The following GABBR1 variants were observed in gnomAD, a reference collection of about 807,000 sequenced individuals.
The protein encoded by GABBR1 is gamma-aminobutyric acid type B receptor subunit 1.
GABBR1 carries 35 observed loss-of-function variants against 117.7 expected under a neutral mutation model. That is an observed-to-expected ratio of 0.30 (90% CI 0.23 to 0.39). The LOEUF (loss-of-function observed/expected upper bound fraction) is 0.39, where lower values mean the gene tolerates loss of function less well. Among genes scored for constraint, GABBR1 ranks in the 10% least tolerant of loss-of-function variants. The pLI is 1.00. For synonymous variants in GABBR1, 442 were observed against 486.6 expected (o/e 0.91, Z 1.21); for missense variants, 709 against 1,241.8 (o/e 0.57, Z 6.45).
rs557619790 is a variant in GABBR1, at chr6:29,627,510, G to A, written c.633C>T (p.Leu211=). Residue 211 remains leucine, a synonymous_variant, in exon 6 of 23, where the codon CTC becomes CTT. Transcript: ENST00000377034. This position sits in a 1 kb window ranked among gnomAD's most constrained non-coding sequence, Gnocchi z 4.4. ...SRRDILPDYE[L]KLIHHDSKCD... is the part of the protein sequence containing the mutation. The stretch of plus-strand genomic sequence containing the variant: ...CCTTGCTGTCGTGGTGGATGAGCTT[G>A]AGCTCATAGTCCGGCAGGATGTCCC... The A allele has an allele frequency of 4.0e-5, 59 of 1,458,156 alleles. 1 individual carries two copies. The South Asian group carries it at 6.1e-4, about 15-fold the overall frequency. 90.3% of individuals were successfully genotyped at this position (1,458,156 alleles called of 1,614,324 possible).
In GABBR1 at chr6:29,620,727, A is replaced by G. The variant is rs1440692836; in HGVS notation, c.1323+374T>C. On this transcript the variant is annotated intron_variant, in intron 11 of 22. Coordinates refer to ENST00000377034, the MANE Select transcript of GABBR1 (RefSeq NM_001470.4). This position sits in a 1 kb window ranked among gnomAD's most constrained non-coding sequence, Gnocchi z 4.5. The stretch of plus-strand genomic sequence containing the variant: ...ATAAATCACCAAGAAAATGAAATGC[A>G]ATTCTGCCCAGACACAGTGCTCCTG... 6.6e-6 allele frequency among the ~76,000 whole-genome samples: 1 copy of G among 152,194 alleles called. No homozygotes were observed. The highest frequency in any genetic ancestry group is 1.5e-5 in the Non-Finnish European group (1 of 68,044).
chr6:29,632,403 A>T lies in GABBR1; in HGVS notation c.1-18T>A, dbSNP rs1765092142. On this transcript the variant is annotated intron_variant, in intron 1 of 22. Transcript: ENST00000377034. The surrounding 1 kb of genome is among the most constrained non-coding windows in gnomAD (Gnocchi z 5.8). ...AGCAACATCTAAGTGAGAGGCGGCC[A>T]TGAGGACTGGACCGAGCCCCGCCGG... The T allele has an allele frequency of 7.5e-7, 1 of 1,338,600 alleles. No individual in the cohort carries two copies. The highest frequency in any genetic ancestry group is 9.6e-7 in the Non-Finnish European group (1 of 1,038,950). The allele number at this position is 1,338,600 out of a possible 1,614,324, so 82.9% of individuals were successfully genotyped here. A position where few individuals can be genotyped will look rare whatever the true frequency, so the allele number is the denominator to read the frequency against.
Position 29,603,467 on chromosome 6 carries a change from C to G in GABBR1, c.*76G>C, listed in dbSNP as rs566965601. On this transcript the variant is annotated 3_prime_UTR_variant, in exon 23 of 23. Coordinates refer to ENST00000377034, the MANE Select transcript of GABBR1 (RefSeq NM_001470.4). ...TTCTTCCCAGCTGGGGATGGGGACCCCCTGCTTCCTGAGTCCCCTGCCCTT... is the reference window on the plus strand; with the variant it reads ...TTCTTCCCAGCTGGGGATGGGGACCGCCTGCTTCCTGAGTCCCCTGCCCTT... 18 of 1,316,204 alleles carry G rather than the reference C, an allele frequency of 1.4e-5. No homozygotes were observed. Among genetic ancestry groups the G allele is most frequent in the Non-Finnish European group, 1.9e-5 (18 of 933,544 alleles). The allele number at this position is 1,316,204 out of a possible 1,614,324, so 81.5% of individuals were successfully genotyped here.
rs768569395 is a variant in GABBR1, at chr6:29,607,002, A to G, written c.2112T>C (p.Thr704=). Residue 704 remains threonine, a splice_region_variant and synonymous_variant, in exon 18 of 23, where the codon ACT becomes ACC. Transcript: ENST00000377034. The surrounding 1 kb of genome is among the most constrained non-coding windows in gnomAD (Gnocchi z 5.0). Reference sequence around the variant, plus strand: ...TGGCATACAGCTTCCAGGGTTCCAGAGTCTGGATAAATATGTGGGGAGAAC... The same window carrying G: ...TGGCATACAGCTTCCAGGGTTCCAGGGTCTGGATAAATATGTGGGGAGAAC... ...KKEEKKEWRK[T]LEPWKLYATV... is the part of the protein sequence containing the mutation. 3 of 1,614,118 alleles carry G rather than the reference A, an allele frequency of 1.9e-6. No homozygotes were observed. The South Asian group carries it at 3.3e-5, about 18-fold the overall frequency.
intron 16 of GABBR1, 129 bp downstream of exon 16, chr6:29,608,472 A>G: frequency 1.0e-6 from 1 of 955,356 alleles, no homozygotes; most frequent in Non-Finnish European, 1.6e-6. Context: ...TGATGCTAGA[A>G]GGAAAGAACA....
At chr6:29,628,958 CTG>C in intron 5 of GABBR1, 127 bp downstream of exon 5, 1 of 1,036,518 alleles carries the variant, frequency 9.6e-7, no homozygotes, top group South Asian at 1.3e-5. Flanking sequence ...TGGCCGCAAA[CTG>C]GGGTGGGTTG....
intron 5 of GABBR1, chr6:29,628,027 G>A (rs1764512831): frequency 2.4e-6 from 3 of 1,259,244 alleles, no homozygotes; most frequent in South Asian, 5.4e-5. Context: ...CGACGGAGGG[G>A]AGGAGGAGGA....
chr6:29,605,609 T>C lies in GABBR1; in HGVS notation c.2399A>G (p.Asn800Ser), dbSNP rs756005728. 2.5e-6 allele frequency: 4 copies of C among 1,613,134 alleles called. No homozygotes were observed. The highest frequency in any genetic ancestry group is 2.5e-6 in the Non-Finnish European group (3 of 1,180,028). ...ETKSVSTEKI[N>S]DHRAVGMAIY... ...AGCCATGCCCACAGCCCGGTGATCATTGATCTTCTCAGTGGACACACTCTT... is the reference window on the plus strand; with the variant it reads ...AGCCATGCCCACAGCCCGGTGATCACTGATCTTCTCAGTGGACACACTCTT... The change falls in exon 20 of 23, where the codon AAT (asparagine) becomes AGT (serine). Residue 800 changes from asparagine to serine, a missense_variant. Asn to Ser is a conservative substitution (Grantham distance 46). Transcript: ENST00000377034. This position sits in a 1 kb window ranked among gnomAD's most constrained non-coding sequence, Gnocchi z 4.2.
intron 11 of GABBR1, among the ~76,000 whole-genome samples, chr6:29,615,520 A>G (rs1415468396): frequency 6.6e-6 from 1 of 150,944 alleles, no homozygotes; most frequent in Non-Finnish European, 1.5e-5. Flanking sequence ...GAGGTAGAAG[A>G]ATCGCTTGAA....
At position 29,632,002 on chromosome 6, in the gene GABBR1, G is replaced by A. The variant is rs1765035676; in HGVS notation, c.85+299C>T. On this transcript the variant is annotated intron_variant, in intron 2 of 22. Transcript: ENST00000377034. This position sits in a 1 kb window ranked among gnomAD's most constrained non-coding sequence, Gnocchi z 5.8. ...TAAGATCATCTGGACAGCAAAGTGG[G>A]ACCAAGAAAAGGGAGTAATTGAGGT... is the stretch of plus-strand genomic sequence containing the variant. Among the ~76,000 whole-genome samples the A allele has an allele frequency of 6.6e-6, 1 of 152,126 alleles. No individual in the cohort carries two copies. The highest frequency in any genetic ancestry group is 2.1e-4 in the South Asian group (1 of 4,830).
intron 22 of GABBR1, among the ~76,000 whole-genome samples, chr6:29,603,993 A>C (rs565552223): frequency 6.6e-6 from 1 of 152,278 alleles, no homozygotes; most frequent in Admixed American, 6.5e-5. Flanking sequence ...GAGAAAAGTC[A>C]GTGCACAGAG....
At position 29,602,637 on chromosome 6, in the gene GABBR1, T is replaced by C. The variant is rs952366798; in HGVS notation, c.*906A>G. On this transcript the variant is annotated 3_prime_UTR_variant, in exon 23 of 23. Coordinates refer to ENST00000377034, the MANE Select transcript of GABBR1 (RefSeq NM_001470.4). Reference sequence around the variant, plus strand: ...ATAACAATGTGCAGGGTAGGGTACATATGGCTCTGTCAGAAGAATACCATG... The same window carrying C: ...ATAACAATGTGCAGGGTAGGGTACACATGGCTCTGTCAGAAGAATACCATG... The C allele has an allele frequency of 3.4e-5, 9 of 264,216 alleles. No homozygotes were observed. In the Admixed American group the frequency reaches 4.1e-4, roughly 12 times the overall value. 16.4% of individuals were successfully genotyped at this position (264,216 alleles called of 1,614,324 possible). A position where few individuals can be genotyped will look rare whatever the true frequency, so the allele number is the denominator to read the frequency against.
chr6:29,621,042 G>T lies in GABBR1; in HGVS notation c.1323+59C>A. 6.8e-7 allele frequency: 1 copy of T among 1,479,588 alleles called. No individual in the cohort carries two copies. Among genetic ancestry groups the T allele is most frequent in the Non-Finnish European group, 9.2e-7 (1 of 1,083,916 alleles). 91.7% of individuals were successfully genotyped at this position (1,479,588 alleles called of 1,614,324 possible). On this transcript the variant is annotated intron_variant, in intron 11 of 22. Transcript: ENST00000377034. This position sits in a 1 kb window ranked among gnomAD's most constrained non-coding sequence, Gnocchi z 5.0. Reference sequence around the variant, plus strand: ...CTCCCTGCCACCCTTTCCCCTGCAAGGCCCCCTCAGTCCTCTCCACCCTCC... The same window carrying T: ...CTCCCTGCCACCCTTTCCCCTGCAATGCCCCCTCAGTCCTCTCCACCCTCC...
chr6:29,627,920 A>G lies in GABBR1; in HGVS notation c.497-274T>C. 7.4e-7 allele frequency: 1 copy of G among 1,355,772 alleles called. No individual in the cohort carries two copies. The highest frequency in any genetic ancestry group is 9.4e-7 in the Non-Finnish European group (1 of 1,063,130). The allele number at this position is 1,355,772 out of a possible 1,614,324, so 84.0% of individuals were successfully genotyped here. On this transcript the variant is annotated intron_variant, in intron 5 of 22. Coordinates refer to ENST00000377034, the MANE Select transcript of GABBR1 (RefSeq NM_001470.4). The surrounding 1 kb of genome is among the most constrained non-coding windows in gnomAD (Gnocchi z 4.4). ...CTGATTTTGTGGGGAGGAGGGGGCG[A>G]GGGCCCCGGAGAAGCAGGGAAGGTT...
Position 29,629,120 on chromosome 6 carries a change from A to G in GABBR1, c.476-13T>C. ...GGCGTTCGATTCACTGGCAGCAGGA[A>G]AGACGGGGATCAGAGAAGAGTTACC... On this transcript the variant is annotated splice_polypyrimidine_tract_variant and intron_variant, in intron 4 of 22. Transcript: ENST00000377034. 1 of 1,612,926 alleles carries G rather than the reference A, an allele frequency of 6.2e-7. No homozygotes were observed. Among genetic ancestry groups the G allele is most frequent in the African/African-American group, 1.3e-5 (1 of 74,966 alleles).
At position 29,621,055 on chromosome 6, in the gene GABBR1, C is replaced by T. The variant is rs1294029945; in HGVS notation, c.1323+46G>A. On this transcript the variant is annotated intron_variant, in intron 11 of 22. Coordinates refer to ENST00000377034, the MANE Select transcript of GABBR1 (RefSeq NM_001470.4). The surrounding 1 kb of genome is among the most constrained non-coding windows in gnomAD (Gnocchi z 5.0). Reference sequence around the variant, plus strand: ...TTTCCCCTGCAAGGCCCCCTCAGTCCTCTCCACCCTCCCAGGTGCCAGACT... The same window carrying T: ...TTTCCCCTGCAAGGCCCCCTCAGTCTTCTCCACCCTCCCAGGTGCCAGACT... 1 of 1,562,844 alleles carries T rather than the reference C, an allele frequency of 6.4e-7. No homozygotes were observed. The highest frequency in any genetic ancestry group is 8.7e-7 in the Non-Finnish European group (1 of 1,147,318).
chr6:29,624,773 C>A (rs1764103380), intron 6 of GABBR1, among the ~76,000 whole-genome samples: 1 of 151,850 alleles, frequency 6.6e-6, no homozygotes, highest in Non-Finnish European at 1.5e-5. Flanking sequence ...AGTAAACAAG[C>A]AGAAAGCTGG....
Position 29,621,831 on chromosome 6 carries a change from A to T in GABBR1, c.1066-14T>A. 6.2e-7 allele frequency: 1 copy of T among 1,614,096 alleles called. No homozygotes were observed. Among genetic ancestry groups the T allele is most frequent in the Admixed American group, 1.7e-5 (1 of 60,024 alleles). On this transcript the variant is annotated splice_polypyrimidine_tract_variant and intron_variant, in intron 9 of 22. Transcript: ENST00000377034. The surrounding 1 kb of genome is among the most constrained non-coding windows in gnomAD (Gnocchi z 5.0). ...GGCATCCTGGCGCTACAACAGAGAA[A>T]GAAACAGCTCCTGAGGGATGCCCGG...
At position 29,627,457 on chromosome 6, in the gene GABBR1, C is replaced by CCCCCCCCCCCCCCCCTG; in HGVS notation, c.657+28_657+29insCAGGGGGGGGGGGGGGG. 7.6e-7 allele frequency: 1 copy of CCCCCCCCCCCCCCCCTG among 1,307,872 alleles called. No individual in the cohort carries two copies. The highest frequency in any genetic ancestry group is 1.1e-6 in the Non-Finnish European group (1 of 931,630). 81.0% of individuals were successfully genotyped at this position (1,307,872 alleles called of 1,614,324 possible). On this transcript the variant is annotated intron_variant, in intron 6 of 22. Coordinates refer to ENST00000377034, the MANE Select transcript of GABBR1 (RefSeq NM_001470.4). This position sits in a 1 kb window ranked among gnomAD's most constrained non-coding sequence, Gnocchi z 4.4. ...GGCCCCCTGCCCCGCAAGCCCCCACCTCCCACCCACCCCCATGTCCAGGGC... is the reference window on the plus strand; with the variant it reads ...GGCCCCCTGCCCCGCAAGCCCCCACCCCCCCCCCCCCCCCCTGTCCCACCCACCCCCATGTCCAGGGC...
Sources: allele counts gnomAD v4.1 joint callset (sites outside exome capture counted in the v4.1 genomes callset), GRCh38; gene constraint gnomAD v4.1.1; non-coding constraint Gnocchi (gnomAD v3.1); transcripts MANE v1.5; gene names NCBI Gene and HGNC (gene_info 2026-07-23, HGNC 2026-07-21).